ARB2A: variants seen among roughly 807,000 people sequenced by gnomAD.
ARB2A encodes cotranscriptional regulator ARB2A.
At chr5:93,708,194 T>C in the ARB2A span, among the ~76,000 whole-genome samples, 4 of 152,316 alleles carry the variant, frequency 2.6e-5, no homozygotes, top group South Asian at 8.3e-4. Flanking sequence ...ACAAGAGTCA[T>C]ATTGGGATAC....
the ARB2A span, among the ~76,000 whole-genome samples, chr5:93,940,325 T>C: frequency 6.6e-6 from 1 of 152,092 alleles, no homozygotes; most frequent in African/African-American, 2.4e-5. Flanking sequence ...ATTTGTTTTC[T>C]GTCTAGAAAA....
At chr5:93,908,808 G>T in the ARB2A span, among the ~76,000 whole-genome samples, 1 of 150,764 alleles carries the variant, frequency 6.6e-6, no homozygotes, top group Non-Finnish European at 1.5e-5. Flanking sequence ...TGAATGTGAG[G>T]TGTTATTTCA....
the ARB2A span, among the ~76,000 whole-genome samples, chr5:94,020,574 G>A: frequency 6.6e-6 from 1 of 152,160 alleles, no homozygotes; most frequent in Non-Finnish European, 1.5e-5. Context: ...AGGATAAATG[G>A]TTGTGCCTTC....
At chr5:93,981,069 A>T in the ARB2A span, among the ~76,000 whole-genome samples, 1 of 144,214 alleles carries the variant, frequency 6.9e-6, no homozygotes, top group Non-Finnish European at 1.5e-5. Flanking sequence ...GTATTTCTTA[A>T]TTTTTTTTTT....
chr5:93,742,948 C>CA, the ARB2A span: 3 of 152,216 alleles, frequency 2.0e-5, no homozygotes, highest in Non-Finnish European at 4.4e-5. Flanking sequence ...ATCAATAACT[C>CA]AGTCATCCAA....
At chr5:94,023,794 T>G in the ARB2A span, among the ~76,000 whole-genome samples, 4 of 152,216 alleles carry the variant, frequency 2.6e-5, no homozygotes, top group Admixed American at 6.5e-5. Flanking sequence ...AGAGGACTGA[T>G]CACTGTGTAA....
At chr5:94,074,504 G>A in the ARB2A span, 3 of 589,926 alleles carry the variant, frequency 5.1e-6, no homozygotes, top group Admixed American at 3.3e-5. Flanking sequence ...AATAGTTGCT[G>A]TGAGGGATAT....
chr5:93,860,350 A>G, the ARB2A span, among the ~76,000 whole-genome samples: 1 of 152,210 alleles, frequency 6.6e-6, no homozygotes, highest in East Asian at 1.9e-4. Context: ...CAAACCAACA[A>G]TGTTCATCCA....
the ARB2A span, among the ~76,000 whole-genome samples, chr5:94,028,007 A>C: frequency 2.0e-5 from 3 of 152,194 alleles, no homozygotes; most frequent in African/African-American, 7.2e-5. Flanking sequence ...TGGTGTATAG[A>C]AAGAAACACC....
At chr5:93,924,493 C>A in the ARB2A span, among the ~76,000 whole-genome samples, 1 of 152,080 alleles carries the variant, frequency 6.6e-6, no homozygotes, top group Non-Finnish European at 1.5e-5. Flanking sequence ...AGAGAGAGTG[C>A]CAATTTGTAA....
At chr5:93,770,362 A>C in the ARB2A span, among the ~76,000 whole-genome samples, 8 of 152,216 alleles carry the variant, frequency 5.3e-5, no homozygotes, top group South Asian at 4.1e-4. Context: ...ACTGAATGGG[A>C]AAAAACTGGA....
At chr5:93,741,630 C>T in the ARB2A span, 805 of 1,435,094 alleles carry the variant, frequency 5.6e-4, 4 homozygotes, top group African/African-American at 0.011. Flanking sequence ...GAACAGCCAC[C>T]GGCCCCCTCA....
the ARB2A span, among the ~76,000 whole-genome samples, chr5:93,622,533 A>T: frequency 1.3e-5 from 2 of 152,216 alleles, no homozygotes; most frequent in Admixed American, 1.3e-4. Context: ...GAGAGCAGAA[A>T]GCTACAGTCT....
At chr5:93,740,554 C>T in the ARB2A span, 4 of 1,567,740 alleles carry the variant, frequency 2.6e-6, no homozygotes, top group African/African-American at 1.4e-5. Flanking sequence ...CCAACCGTGC[C>T]GTGAAGGGCA....
At chr5:93,968,124 C>T in the ARB2A span, among the ~76,000 whole-genome samples, 12 of 152,238 alleles carry the variant, frequency 7.9e-5, no homozygotes, top group South Asian at 1.2e-3. Context: ...ACTTCAGTTC[C>T]TTTTACCTGA....
At chr5:93,724,998 G>A in the ARB2A span, among the ~76,000 whole-genome samples, 1 of 152,024 alleles carries the variant, frequency 6.6e-6, no homozygotes, top group Non-Finnish European at 1.5e-5. Context: ...GAATATGCTG[G>A]ACAAAGGGAT....
the ARB2A span, among the ~76,000 whole-genome samples, chr5:94,082,994 G>A: frequency 6.6e-6 from 1 of 152,138 alleles, no homozygotes; most frequent in African/African-American, 2.4e-5. Context: ...CAAAGGACTT[G>A]AAGCAGGAAA....
At chr5:93,912,459 A>G in the ARB2A span, among the ~76,000 whole-genome samples, 1 of 151,836 alleles carries the variant, frequency 6.6e-6, no homozygotes, top group South Asian at 2.1e-4. Context: ...TTTCATTATG[A>G]TCTAAATCTC....
chr5:94,023,355 G>T, the ARB2A span, among the ~76,000 whole-genome samples: 2 of 152,180 alleles, frequency 1.3e-5, no homozygotes, highest in Non-Finnish European at 2.9e-5. Context: ...TAAAATCAAT[G>T]ATAAATGGGA....
Sources: allele counts gnomAD v4.1 joint callset (sites outside exome capture counted in the v4.1 genomes callset), GRCh38; gene constraint gnomAD v4.1.1; transcripts MANE v1.5; gene names NCBI Gene and HGNC (gene_info 2026-07-23, HGNC 2026-07-21).